MXI1: variants seen among roughly 807,000 people sequenced by gnomAD.
MXI1 encodes the protein MAX interactor 1, dimerization protein, also known as max-interacting protein 1.
In MXI1, 18 loss-of-function variants were observed where a neutral mutation model predicts 36.9. The observed-to-expected ratio is 0.49, with a 90% confidence interval of 0.34 to 0.72. The LOEUF (loss-of-function observed/expected upper bound fraction) is 0.72, where lower values mean the gene tolerates loss of function less well. Ranked by LOEUF, MXI1 falls within the 30% of genes least tolerant of loss-of-function variation. The pLI is 0.01. For synonymous variants in MXI1, 160 were observed against 146.7 expected, an observed-to-expected ratio of 1.09 and a Z score of -0.65; for missense variants, 304 against 379.1, an observed-to-expected ratio of 0.80 and a Z score of 1.64.
At chr10:110,208,451 C>T (rs1299523952) in intron 1 of MXI1, 3 of 164,580 alleles carry the variant, frequency 1.8e-5, no homozygotes, top group African/African-American at 2.5e-5. Context: ...GGAGCCTTCT[C>T]AGGCAGACAA....
In MXI1 at chr10:110,281,156, C is replaced by T. The variant is rs1857233431; in HGVS notation, c.724+1071C>T. On this transcript the variant is annotated intron_variant, in intron 5 of 5. Coordinates refer to ENST00000332674, the MANE Select transcript of MXI1 (RefSeq NM_130439.3). ...GAATAGAATAATGAACTCCTGTATA[C>T]CCACCATTCAGTTTGAATAGCTGTC... 3.9e-5 allele frequency among the ~76,000 whole-genome samples: 6 copies of T among 152,076 alleles called. No individual in the cohort carries two copies. In the South Asian group the frequency reaches 1.2e-3, roughly 32 times the overall value.
rs1857410020 is a variant in MXI1 at position 110,285,578 on chromosome 10, TC to T, written c.*594del. 6.6e-6 allele frequency: 1 copy of T among 152,176 alleles called. No homozygotes were observed. Among genetic ancestry groups the T allele is most frequent in the Admixed American group, 6.6e-5 (1 of 15,236 alleles). 9.4% of individuals were successfully genotyped at this position (152,176 alleles called of 1,614,324 possible). ...TTTCATGCTCTGCAAAAGGAGAGAC[TC>T]CCATGAAGCCTTTTGAAAGGGATCA... On this transcript the variant is annotated 3_prime_UTR_variant, in exon 6 of 6. Coordinates refer to ENST00000332674, the MANE Select transcript of MXI1 (RefSeq NM_130439.3).
chr10:110,264,258 A>G (rs1481848472), intron 3 of MXI1, among the ~76,000 whole-genome samples: 4 of 152,230 alleles, frequency 2.6e-5, no homozygotes, highest in African/African-American at 9.6e-5. Flanking sequence ...CAAATATGGT[A>G]TACCAAAACT....
Position 110,285,099 on chromosome 10 carries a change from C to CAA in MXI1, c.*115_*116dup. The CAA allele has an allele frequency of 9.5e-7, 1 of 1,047,666 alleles. No homozygotes were observed. The highest frequency in any genetic ancestry group is 2.3e-5 in the South Asian group (1 of 44,318). The allele number at this position is 1,047,666 out of a possible 1,614,324, so 64.9% of individuals were successfully genotyped here. A position where few individuals can be genotyped will look rare whatever the true frequency, so the allele number is the denominator to read the frequency against. On this transcript the variant is annotated 3_prime_UTR_variant, in exon 6 of 6. Coordinates refer to ENST00000332674, the MANE Select transcript of MXI1 (RefSeq NM_130439.3). ...GTCTCCTCTTTAAAACAAAACAAAACAAAACAAAACTATACTTGAACAAAA... is the reference window on the plus strand; with the variant it reads ...GTCTCCTCTTTAAAACAAAACAAAACAAAAAACAAAACTATACTTGAACAAAA...
chr10:110,284,334 C>G (rs1177352540), intron 5 of MXI1, among the ~76,000 whole-genome samples: 1 of 152,036 alleles, frequency 6.6e-6, no homozygotes, highest in East Asian at 1.9e-4. Flanking sequence ...TATGATGAAT[C>G]CTAGAAGTCT....
chr10:110,259,643 G>A (rs1359710604), intron 3 of MXI1, among the ~76,000 whole-genome samples: 1 of 152,014 alleles, frequency 6.6e-6, no homozygotes, highest in Non-Finnish European at 1.5e-5. Flanking sequence ...TTAGATGAGA[G>A]ACTTTGTTAG....
Position 110,257,757 on chromosome 10 carries a change from C to G in MXI1, c.437+12900C>G, listed in dbSNP as rs369864193. On this transcript the variant is annotated intron_variant, in intron 3 of 5. Transcript: ENST00000332674. ...TTTCTGGGTTCAGCTGAAGCACCAG[C>G]CTGCTCTATCCAGAGACGCGTACTT... is the stretch of plus-strand genomic sequence containing the variant. 1.5e-5 allele frequency: 4 copies of G among 263,536 alleles called. No individual in the cohort carries two copies. In the South Asian group the frequency reaches 1.7e-4, roughly 11 times the overall value. 16.3% of individuals were successfully genotyped at this position (263,536 alleles called of 1,614,324 possible). A position where few individuals can be genotyped will look rare whatever the true frequency, so the allele number is the denominator to read the frequency against.
chr10:110,229,863 T>TC (rs756092396), intron 2 of MXI1, among the ~76,000 whole-genome samples: 1 of 152,194 alleles, frequency 6.6e-6, no homozygotes, highest in Non-Finnish European at 1.5e-5. Context: ...CTTTTTTTTT[T>TC]CAACTTGGAG....
chr10:110,261,429 A>AC (rs1856506876), intron 3 of MXI1, among the ~76,000 whole-genome samples: 2 of 141,234 alleles, frequency 1.4e-5, no homozygotes, highest in African/African-American at 5.1e-5. Flanking sequence ...TATTCAAACC[A>AC]TTTTTTTTTT....
intron 2 of MXI1, among the ~76,000 whole-genome samples, chr10:110,238,768 T>A (rs1855559058): frequency 6.6e-6 from 1 of 152,190 alleles, no homozygotes. Context: ...GAGTTTCTGT[T>A]TCTTCTTGAG....
rs1457287736 is a variant in MXI1, at chr10:110,228,172, T to C, written c.275-17T>C. The C allele has an allele frequency of 3.1e-6, 5 of 1,613,338 alleles. No individual in the cohort carries two copies. The highest frequency in any genetic ancestry group is 4.2e-6 in the Non-Finnish European group (5 of 1,179,788). ...CTATATTCTTCTTACCGTATCTTTT[T>C]TTCTTGCTTTCTTCAGAGTGTGAAC... On this transcript the variant is annotated splice_polypyrimidine_tract_variant and intron_variant, in intron 1 of 5. Transcript: ENST00000332674.
At chr10:110,266,410 A>T (rs1856679823) in intron 3 of MXI1, among the ~76,000 whole-genome samples, 1 of 152,054 alleles carries the variant, frequency 6.6e-6, no homozygotes, top group Non-Finnish European at 1.5e-5. Context: ...GCCTGGCCTA[A>T]TACAGTGTCA....
intron 3 of MXI1, among the ~76,000 whole-genome samples, chr10:110,246,615 G>T (rs1855872859): frequency 1.3e-5 from 2 of 152,136 alleles, no homozygotes; most frequent in African/African-American, 4.8e-5. Flanking sequence ...TCTGCCAAAT[G>T]ACTATGCCCC....
intron 3 of MXI1, among the ~76,000 whole-genome samples, chr10:110,261,878 T>C (rs1001316189): frequency 6.6e-6 from 1 of 152,110 alleles, no homozygotes; most frequent in African/African-American, 2.4e-5. Flanking sequence ...AAAGTGTTTA[T>C]AATAAAAATT....
intron 1 of MXI1, among the ~76,000 whole-genome samples, chr10:110,222,039 C>T (rs1258500031): frequency 2.6e-5 from 4 of 152,138 alleles, no homozygotes; most frequent in Non-Finnish European, 5.9e-5. Context: ...GGAGAGCTTA[C>T]GCATGAACTT....
intron 1 of MXI1, chr10:110,227,821 G>A (rs921193075): frequency 5.3e-5 from 14 of 264,186 alleles, no homozygotes; most frequent in Non-Finnish European, 8.3e-5. Context: ...AGACTCTTTA[G>A]AACAGAGAGA....
chr10:110,232,674 G>C (rs1012647227), intron 2 of MXI1, among the ~76,000 whole-genome samples: 5 of 152,132 alleles, frequency 3.3e-5, no homozygotes, highest in Admixed American at 1.3e-4. Flanking sequence ...TTAAAGAATG[G>C]AAGGTTTTCA....
At position 110,287,331 on chromosome 10, in the gene MXI1, G is replaced by GTTAA. The variant is rs909710190; in HGVS notation, c.*2347_*2350dup. On this transcript the variant is annotated 3_prime_UTR_variant, in exon 6 of 6. Transcript: ENST00000332674. ...ACAAATCAACTTTGAAGACACAAAA[G>GTTAA]TTAATTGGAAGAAATAAAAACTGTG... is the stretch of plus-strand genomic sequence containing the variant. 6.6e-6 allele frequency: 1 copy of GTTAA among 152,156 alleles called. No homozygotes were observed. Among genetic ancestry groups the GTTAA allele is most frequent in the African/African-American group, 2.4e-5 (1 of 41,436 alleles). 9.4% of individuals were successfully genotyped at this position (152,156 alleles called of 1,614,324 possible).
At chr10:110,269,618 T>C (rs1856794476) in intron 3 of MXI1, among the ~76,000 whole-genome samples, 1 of 152,236 alleles carries the variant, frequency 6.6e-6, no homozygotes, top group Admixed American at 6.5e-5. Context: ...ACTTAATTCT[T>C]GCATTTTGTA....
Sources: allele counts gnomAD v4.1 joint callset (sites outside exome capture counted in the v4.1 genomes callset), GRCh38; gene constraint gnomAD v4.1.1; transcripts MANE v1.5; gene names NCBI Gene and HGNC (gene_info 2026-07-23, HGNC 2026-07-21).